Variants in CD101 observed in about 807,000 individuals in gnomAD.
The protein encoded by CD101 is immunoglobulin superfamily member 2.
In CD101, 76 loss-of-function variants were observed where a neutral mutation model predicts 98.2. The ratio of observed to expected loss-of-function variants is 0.77; its 90% CI spans 0.64 to 0.94. The LOEUF (loss-of-function observed/expected upper bound fraction) is 0.94. Among genes scored for constraint, CD101 ranks in the 40% least tolerant of loss-of-function variants. CD101 has a pLI of 0.00. For synonymous variants in CD101, 471 were observed against 472.7 expected, an observed-to-expected ratio of 1.00 and a Z score of 0.05; for missense variants, 1,145 against 1,218.8, an observed-to-expected ratio of 0.94 and a Z score of 0.90.
At chr1:117,009,786 G>A (rs1486511425) in intron 1 of CD101, 64 bp from the exon 2 acceptor site, 59 of 1,495,792 alleles carry the variant, frequency 3.9e-5, no homozygotes, top group East Asian at 3.0e-4. Context: ...AATACATAAC[G>A]TGGTACACTG....
chr1:117,020,014 A>T (rs1026626985), intron 6 of CD101, among the ~76,000 whole-genome samples: 1 of 151,776 alleles, frequency 6.6e-6, no homozygotes, highest in Non-Finnish European at 1.5e-5. Flanking sequence ...GCAGCTCCTC[A>T]ATTGTCCATG....
chr1:117,025,452 G>A (rs1043695923), intron 7 of CD101, 57 bp from the exon 8 acceptor site: 2 of 1,421,762 alleles, frequency 1.4e-6, no homozygotes. Flanking sequence ...TTTTTCAGAG[G>A]TGGTATCCAA....
rs187349963 is a variant in CD101, at chr1:117,014,297, T to C, written c.1228+505T>C. 1.8e-3 allele frequency among the ~76,000 whole-genome samples: 274 copies of C among 151,966 alleles called. 2 individuals carry two copies. The highest frequency in any genetic ancestry group is 6.8e-3 in the Middle Eastern group (2 of 294). ...TCCTGAGGAATGAACACCCGTGTTA[T>C]CCTACCTTGAGACCCTGCCGGCATT... is the stretch of plus-strand genomic sequence containing the variant. On this transcript the variant is annotated intron_variant, in intron 4 of 9. Transcript: ENST00000682167.
chr1:117,016,957 G>C, intron 4 of CD101, 133 bp from the exon 5 acceptor site: 1 of 857,542 alleles, frequency 1.2e-6, no homozygotes, highest in African/African-American at 1.7e-5. Context: ...GCCTGAGGGT[G>C]GTGCAAGAGG....
At chr1:117,009,557 C>T (rs1291725201) in intron 1 of CD101, among the ~76,000 whole-genome samples, 1 of 152,230 alleles carries the variant, frequency 6.6e-6, no homozygotes, top group African/African-American at 2.4e-5. Context: ...AAAATAAGTA[C>T]ACTTCGATAA....
rs747259431 is a variant in CD101, at chr1:117,017,183, G to A, written c.1322G>A (p.Ser441Asn). 1.3e-5 allele frequency: 21 copies of A among 1,614,134 alleles called. No homozygotes were observed. Among genetic ancestry groups the A allele is most frequent in the South Asian group, 2.2e-5 (2 of 91,094 alleles). The stretch of plus-strand genomic sequence containing the variant: ...CTCTGTAAGGCTGGTGGAGCTGAAA[G>A]TCCCCTGTCTGTGAGCTGGTGGCAC... ...AFLCKAGGAE[S>N]PLSVSWWHIP... Residue 441 changes from serine (S) to asparagine (N), a missense_variant, in exon 5 of 10, where the codon AGT becomes AAT. Coordinates refer to ENST00000682167, the MANE Select transcript of CD101 (RefSeq NM_001256106.3).
intron 4 of CD101, among the ~76,000 whole-genome samples, chr1:117,014,153 G>A (rs894755724): frequency 3.3e-5 from 5 of 151,152 alleles, no homozygotes; most frequent in African/African-American, 1.2e-4. Flanking sequence ...TCTTAAAGCA[G>A]AGAACATGTG....
At chr1:117,015,847 A>G (rs1653172964) in intron 4 of CD101, among the ~76,000 whole-genome samples, 1 of 152,182 alleles carries the variant, frequency 6.6e-6, no homozygotes, top group African/African-American at 2.4e-5. Flanking sequence ...ATTTTTACAG[A>G]AAAGAAAACT....
At chr1:117,029,200 A>G (rs1427878300) in intron 8 of CD101, among the ~76,000 whole-genome samples, 2 of 35,238 alleles carry the variant, frequency 5.7e-5, no homozygotes, top group Non-Finnish European at 1.0e-4. Flanking sequence ...AGAAAGAAAG[A>G]AAGAAAAGAA....
Position 117,021,989 on chromosome 1 carries a change from C to A in CD101, c.2428+6C>A. 1.9e-6 allele frequency: 3 copies of A among 1,596,048 alleles called. No homozygotes were observed. The African/African-American group carries it at 4.0e-5, about 22-fold the overall frequency. On this transcript the variant is annotated splice_donor_region_variant and intron_variant, in intron 7 of 9. Transcript: ENST00000682167. The surrounding 1 kb of genome is among the most constrained non-coding windows in gnomAD (Gnocchi z 4.7). ...ATTGAAACTCAAGCCCACAGGTAAA[C>A]CTTGCGAGTGTATCCTCACAATGTC...
At position 117,013,609 on chromosome 1, in the gene CD101, G is replaced by A. The variant is rs1350718423; in HGVS notation, c.1045G>A (p.Glu349Lys). The change falls in exon 4 of 10, where the codon GAG becomes AAG. Residue 349 changes from glutamate (E) to lysine (K), a missense_variant. Glu to Lys is a moderately conservative substitution (Grantham distance 56). Transcript: ENST00000682167. ...NDYKERASQG[E>K]LQVSKLGPKA... ...CTACAAAGAGAGAGCAAGTCAAGGAGAGCTCCAGGTTTCAAAGTTAGGCCC... is the reference window on the plus strand; with the variant it reads ...CTACAAAGAGAGAGCAAGTCAAGGAAAGCTCCAGGTTTCAAAGTTAGGCCC... 1 of 1,614,162 alleles carries A rather than the reference G, an allele frequency of 6.2e-7. No homozygotes were observed. The highest frequency in any genetic ancestry group is 1.3e-5 in the African/African-American group (1 of 75,046).
At chr1:117,034,309 AT>A in intron 9 of CD101, 175 bp downstream of exon 9, 1 of 597,516 alleles carries the variant, frequency 1.7e-6, no homozygotes. Context: ...CACCTCTCGC[AT>A]CCCCCCTTGG....
At position 117,029,203 on chromosome 1, in the gene CD101, GAA is replaced by G. The variant is rs60429459; in HGVS notation, c.2824+3302_2824+3303del. 4.2e-4 allele frequency among the ~76,000 whole-genome samples: 29 copies of G among 69,110 alleles called. 1 individual carries two copies. Among genetic ancestry groups the G allele is most frequent in the East Asian group, 6.9e-4 (2 of 2,892 alleles). The allele number at this position is 69,110 out of a possible 152,430, so 45.3% of individuals were successfully genotyped here. A position where few individuals can be genotyped will look rare whatever the true frequency, so the allele number is the denominator to read the frequency against. ...AGAAAGAAAGAAAGAAAGAAAGAAA[GAA>G]AAGAAAGAAAAGAAAGAAAGAAAGA... On this transcript the variant is annotated intron_variant, in intron 8 of 9. Transcript: ENST00000682167.
chr1:117,029,594 CATT>C (rs1654314959), intron 8 of CD101, among the ~76,000 whole-genome samples: 3 of 152,262 alleles, frequency 2.0e-5, no homozygotes, highest in Admixed American at 1.3e-4. Context: ...ATGAGTGTCT[CATT>C]AGTAGCACTA....
chr1:117,021,477 G>T lies in CD101; in HGVS notation c.2018-96G>T. On this transcript the variant is annotated intron_variant, in intron 6 of 9. Coordinates refer to ENST00000682167, the MANE Select transcript of CD101 (RefSeq NM_001256106.3). The surrounding 1 kb of genome is among the most constrained non-coding windows in gnomAD (Gnocchi z 4.7). ...GTAGAGGGAGTTCACCCATATGATG[G>T]CGGGAGGATGCAGTGTCATACTTGA... 1 of 1,000,458 alleles carries T rather than the reference G, an allele frequency of 1.0e-6. No individual in the cohort carries two copies. The allele number at this position is 1,000,458 out of a possible 1,614,324, so 62.0% of individuals were successfully genotyped here. A position where few individuals can be genotyped will look rare whatever the true frequency, so the allele number is the denominator to read the frequency against.
In CD101 at chr1:117,018,658, T is replaced by A; in HGVS notation, c.2017+98T>A. On this transcript the variant is annotated intron_variant, in intron 6 of 9. Transcript: ENST00000682167. The surrounding 1 kb of genome is among the most constrained non-coding windows in gnomAD (Gnocchi z 4.3). ...TAACAATAAAACATAAAATACTTTC[T>A]CCCATATTTGTTCTATCTAAGTAAG... 1 of 1,192,658 alleles carries A rather than the reference T, an allele frequency of 8.4e-7. No individual in the cohort carries two copies. The highest frequency in any genetic ancestry group is 1.6e-5 in the South Asian group (1 of 63,584). The allele number at this position is 1,192,658 out of a possible 1,614,324, so 73.9% of individuals were successfully genotyped here. A position where few individuals can be genotyped will look rare whatever the true frequency, so the allele number is the denominator to read the frequency against.
At position 117,021,790 on chromosome 1, in the gene CD101, A is replaced by G; in HGVS notation, c.2235A>G (p.Pro745=). The G allele has an allele frequency of 6.2e-7, 1 of 1,614,198 alleles. No individual in the cohort carries two copies. Among genetic ancestry groups the G allele is most frequent in the Non-Finnish European group, 8.5e-7 (1 of 1,180,022 alleles). ...AAACTGGGGATGAGTTTCACACCCC[A>G]CAGAGAAAACAAAAATTTCATACTG... ...VIKTGDEFHT[P]QRKQKFHTEK... The change falls in exon 7 of 10, where the codon CCA becomes CCG. Residue 745 remains proline (P), a synonymous_variant. Coordinates refer to ENST00000682167, the MANE Select transcript of CD101 (RefSeq NM_001256106.3). This position sits in a 1 kb window ranked among gnomAD's most constrained non-coding sequence, Gnocchi z 4.7.
At position 117,013,674 on chromosome 1, in the gene CD101, G is replaced by A. The variant is rs768368834; in HGVS notation, c.1110G>A (p.Glu370=). ...TCAAGATCTTCTCTCTGGGCCCAGA[G>A]GATGAAGGCGCCTACAGATGTGTGG... is the stretch of plus-strand genomic sequence containing the variant. The part of the protein sequence containing the change: ...FSLKIFSLGP[E]DEGAYRCVVA... The change falls in exon 4 of 10, where the codon GAG becomes GAA. Residue 370 remains glutamate (E), a synonymous_variant. Transcript: ENST00000682167. 2 of 1,614,138 alleles carry A rather than the reference G, an allele frequency of 1.2e-6. No individual in the cohort carries two copies. The highest frequency in any genetic ancestry group is 2.2e-5 in the South Asian group (2 of 91,072).
chr1:117,029,182 A>G (rs565840432), intron 8 of CD101, among the ~76,000 whole-genome samples: 48 of 103,974 alleles, frequency 4.6e-4, no homozygotes, highest in African/African-American at 9.8e-4. Context: ...AAAGAAAGAA[A>G]GAAAGAAAGA....
Sources: allele counts gnomAD v4.1 joint callset (sites outside exome capture counted in the v4.1 genomes callset), GRCh38; gene constraint gnomAD v4.1.1; non-coding constraint Gnocchi (gnomAD v3.1); transcripts MANE v1.5; gene names NCBI Gene and HGNC (gene_info 2026-07-23, HGNC 2026-07-21).